Variants in PALD1 observed in about 807,000 individuals in gnomAD.
The protein encoded by PALD1 is phosphatase domain containing paladin 1.
Under a neutral mutation model 96.0 loss-of-function variants are expected in PALD1, and 57 were observed. The observed-to-expected ratio is 0.59, with a 90% confidence interval of 0.48 to 0.74. PALD1 has a LOEUF of 0.74. Ranked by LOEUF, PALD1 falls within the 30% of genes least tolerant of loss-of-function variation. The probability of loss-of-function intolerance (pLI) is 0.00; values close to 1 mark genes in which losing one functional copy is unlikely to be tolerated. For synonymous variants in PALD1, 464 were observed against 473.6 expected (o/e 0.98, Z 0.26); for missense variants, 1,063 against 1,143.7 (o/e 0.93, Z 1.02).
intron 5 of PALD1, among the ~76,000 whole-genome samples, chr10:70,532,247 G>A (rs1847007641): frequency 6.6e-6 from 1 of 152,128 alleles, no homozygotes; most frequent in African/African-American, 2.4e-5. Context: ...GAAACTTCCA[G>A]GTCAGGAACC....
At chr10:70,518,957 A>G (rs1290020418) in intron 1 of PALD1, among the ~76,000 whole-genome samples, 1 of 152,246 alleles carries the variant, frequency 6.6e-6, no homozygotes, top group African/African-American at 2.4e-5. Flanking sequence ...GGCCAGAGGC[A>G]GTGCAGCCCA....
intron 1 of PALD1, among the ~76,000 whole-genome samples, chr10:70,518,955 G>T (rs1038667592): frequency 2.0e-5 from 3 of 152,342 alleles, no homozygotes; most frequent in Admixed American, 2.0e-4. Flanking sequence ...CAGGCCAGAG[G>T]CAGTGCAGCC....
At chr10:70,509,559 G>A (rs1764863739) in intron 1 of PALD1, among the ~76,000 whole-genome samples, 1 of 152,206 alleles carries the variant, frequency 6.6e-6, no homozygotes, top group Non-Finnish European at 1.5e-5. Context: ...CCGGGGTCAG[G>A]GCCAGGCTGG....
intron 1 of PALD1, among the ~76,000 whole-genome samples, chr10:70,493,672 C>A (rs1846137101): frequency 6.6e-6 from 1 of 152,242 alleles, no homozygotes; most frequent in Non-Finnish European, 1.5e-5. Flanking sequence ...AGGCCAAACA[C>A]TGCAAAGCTG....
chr10:70,558,509 C>T (rs960139304), intron 18 of PALD1, among the ~76,000 whole-genome samples: 2 of 152,090 alleles, frequency 1.3e-5, no homozygotes, highest in African/African-American at 4.8e-5. Flanking sequence ...GCAAAAGCTC[C>T]CGTCCTCATG....
intron 1 of PALD1, among the ~76,000 whole-genome samples, chr10:70,514,772 G>T (rs573425917): frequency 1.3e-5 from 2 of 152,228 alleles, no homozygotes; most frequent in African/African-American, 4.8e-5. Context: ...GGCAGAGTGC[G>T]CCTGGGCAGA....
At position 70,529,349 on chromosome 10, in the gene PALD1, C is replaced by G. The variant is rs1249510618; in HGVS notation, c.288+18C>G. On this transcript the variant is annotated intron_variant, in intron 3 of 19. Coordinates refer to ENST00000263563, the MANE Select transcript of PALD1 (RefSeq NM_014431.3). ...TGGTGCAAGTGAGCTCAGGCCTTAC[C>G]CTGCCAGCCCGCCTGCTGCCTCCCA... is the stretch of plus-strand genomic sequence containing the variant. 1 of 1,345,722 alleles carries G rather than the reference C, an allele frequency of 7.4e-7. No individual in the cohort carries two copies. The highest frequency in any genetic ancestry group is 1.2e-5 in the South Asian group (1 of 82,166). The allele number at this position is 1,345,722 out of a possible 1,614,324, so 83.4% of individuals were successfully genotyped here.
chr10:70,515,586 G>A (rs1050119588), intron 1 of PALD1, among the ~76,000 whole-genome samples: 1 of 152,218 alleles, frequency 6.6e-6, no homozygotes. Context: ...GTTCAGTGCA[G>A]GGTCAGCCAT....
intron 1 of PALD1, among the ~76,000 whole-genome samples, chr10:70,488,963 G>A (rs1014378190): frequency 1.3e-5 from 2 of 151,350 alleles, no homozygotes; most frequent in African/African-American, 4.9e-5. Context: ...CTGGGCGGAT[G>A]TGTCCTTCTG....
intron 1 of PALD1, among the ~76,000 whole-genome samples, chr10:70,501,834 T>TGTGTGTGTGTGTGTGTGTGCGC (rs774868338): frequency 0.025 from 3,669 of 149,350 alleles, 76 homozygotes; most frequent in Non-Finnish European, 0.038. Flanking sequence ...TGTGTGTGTG[T>TGTGTGTGTGTGTGTGTGTGCGC]GCGTGCGTGC....
chr10:70,554,911 CCTCT>C (rs1564710315), intron 18 of PALD1, among the ~76,000 whole-genome samples: 5 of 58,302 alleles, frequency 8.6e-5, no homozygotes, highest in Non-Finnish European at 1.4e-4. Context: ...CCTCCCCTCC[CCTCT>C]CCTCCCCTCC....
rs1847162947 is a variant in PALD1 at position 70,538,555 on chromosome 10, C to T, written c.1452+147C>T. 3 of 848,282 alleles carry T rather than the reference C, an allele frequency of 3.5e-6. No individual in the cohort carries two copies. The Admixed American group carries it at 7.5e-5, about 21-fold the overall frequency. 52.5% of individuals were successfully genotyped at this position (848,282 alleles called of 1,614,324 possible). A position where few individuals can be genotyped will look rare whatever the true frequency, so the allele number is the denominator to read the frequency against. ...GTGGGTGTTGGGATCCTCTTGTGAACAGAATGGGGTCATGCTTAGGCCCCA... is the reference window on the plus strand; with the variant it reads ...GTGGGTGTTGGGATCCTCTTGTGAATAGAATGGGGTCATGCTTAGGCCCCA... On this transcript the variant is annotated intron_variant, in intron 12 of 19. Coordinates refer to ENST00000263563, the MANE Select transcript of PALD1 (RefSeq NM_014431.3).
At chr10:70,544,240 G>A (rs1009564032) in intron 17 of PALD1, among the ~76,000 whole-genome samples, 1 of 152,140 alleles carries the variant, frequency 6.6e-6, no homozygotes, top group Non-Finnish European at 1.5e-5. Flanking sequence ...TGGTGAGGAG[G>A]GGAGTGTCTG....
intron 1 of PALD1, among the ~76,000 whole-genome samples, chr10:70,503,574 T>C (rs574541426): frequency 1.3e-5 from 2 of 152,032 alleles, no homozygotes; most frequent in Non-Finnish European, 2.9e-5. Context: ...GCGGAGGCTG[T>C]GGTGAGCCTA....
the PALD1 span, among the ~76,000 whole-genome samples, chr10:70,473,740 G>C: frequency 6.6e-6 from 1 of 152,022 alleles, no homozygotes; most frequent in East Asian, 1.9e-4. Flanking sequence ...CTGCCTCCCA[G>C]TTTCAAGCGA....
chr10:70,498,072 C>A (rs111243677), intron 1 of PALD1, among the ~76,000 whole-genome samples: 1 of 152,146 alleles, frequency 6.6e-6, no homozygotes, highest in African/African-American at 2.4e-5. Context: ...CCATTAAACA[C>A]TAACTCCCCA....
At chr10:70,462,363 C>T in the PALD1 span, among the ~76,000 whole-genome samples, 4 of 152,240 alleles carry the variant, frequency 2.6e-5, no homozygotes, top group Non-Finnish European at 5.9e-5. Flanking sequence ...TATGCCTCCC[C>T]TGTAAAGTGG....
chr10:70,512,415 G>A (rs1846531925), intron 1 of PALD1, among the ~76,000 whole-genome samples: 1 of 152,254 alleles, frequency 6.6e-6, no homozygotes, highest in Non-Finnish European at 1.5e-5. Context: ...GGACCAGAAA[G>A]CCACATGCTG....
chr10:70,481,298 G>A (rs1299037780), intron 1 of PALD1, among the ~76,000 whole-genome samples: 1 of 152,224 alleles, frequency 6.6e-6, no homozygotes. Flanking sequence ...AGGCCGAGGC[G>A]TGCATTGCCT....
Sources: gnomAD v4.1 joint callset for allele counts (sites outside exome capture counted in the v4.1 genomes callset) on GRCh38, gnomAD v4.1.1 for gene constraint, MANE v1.5 for transcripts, NCBI Gene and HGNC (gene_info 2026-07-23, HGNC 2026-07-21) for gene names.